PARD3B: variants seen among roughly 807,000 people sequenced by gnomAD.
The protein encoded by PARD3B is partitioning defective 3 homolog B.
A neutral mutation model predicts 130.2 loss-of-function variants in PARD3B; 103 were observed. That is an observed-to-expected ratio of 0.79 (90% confidence interval 0.67 to 0.93). PARD3B has a LOEUF of 0.93. Ranked by LOEUF, PARD3B falls within the 40% of genes least tolerant of loss-of-function variation. PARD3B has a pLI of 0.00. For synonymous variants in PARD3B, 583 were observed against 553.2 expected, an observed-to-expected ratio of 1.05 and a Z score of -0.76; for missense variants, 1,609 against 1,499.2, an observed-to-expected ratio of 1.07 and a Z score of -1.21.
intron 3 of PARD3B, among the ~76,000 whole-genome samples, chr2:205,032,422 A>G (rs1311993738): frequency 2.0e-5 from 3 of 152,162 alleles, no homozygotes; most frequent in African/African-American, 4.8e-5. Context: ...TACCGGATGC[A>G]TAATGTAAAA....
chr2:204,706,254 C>A (rs2038147237), intron 2 of PARD3B, among the ~76,000 whole-genome samples: 1 of 151,788 alleles, frequency 6.6e-6, no homozygotes, highest in Admixed American at 6.6e-5. Flanking sequence ...GTAGTCCCAG[C>A]CACTCGGGAG....
At chr2:205,408,406 A>T (rs1017984128) in intron 19 of PARD3B, among the ~76,000 whole-genome samples, 10 of 152,118 alleles carry the variant, frequency 6.6e-5, no homozygotes, top group Non-Finnish European at 1.2e-4. Flanking sequence ...GAGGATTTTT[A>T]TGTTACTGGA....
chr2:204,902,466 G>A (rs990983683), intron 2 of PARD3B, among the ~76,000 whole-genome samples: 1 of 151,960 alleles, frequency 6.6e-6, no homozygotes, highest in Non-Finnish European at 1.5e-5. Flanking sequence ...TCAGGAGATC[G>A]AGACCATCCT....
chr2:204,803,899 A>G (rs533203117), intron 2 of PARD3B, among the ~76,000 whole-genome samples: 2 of 152,168 alleles, frequency 1.3e-5, no homozygotes, highest in Non-Finnish European at 2.9e-5. Context: ...CTCTGCAATC[A>G]AAAGACAGAT....
chr2:205,396,212 T>C (rs575855473), intron 18 of PARD3B, among the ~76,000 whole-genome samples: 17 of 152,200 alleles, frequency 1.1e-4, no homozygotes, highest in Non-Finnish European at 2.1e-4. Flanking sequence ...GGCAGTCACT[T>C]CCCTGTTATT....
At chr2:205,344,316 G>A (rs2043666823) in intron 18 of PARD3B, among the ~76,000 whole-genome samples, 3 of 151,664 alleles carry the variant, frequency 2.0e-5, no homozygotes, top group African/African-American at 7.3e-5. Context: ...AGTGGATGAG[G>A]CACACAGACA....
intron 22 of PARD3B, among the ~76,000 whole-genome samples, chr2:205,556,047 T>C (rs1383414415): frequency 1.3e-5 from 2 of 152,164 alleles, no homozygotes; most frequent in Non-Finnish European, 2.9e-5. Flanking sequence ...GAGATTTTGC[T>C]GTCCACTTAA....
intron 15 of PARD3B, among the ~76,000 whole-genome samples, chr2:205,220,525 G>A (rs1013504373): frequency 1.3e-4 from 20 of 152,102 alleles, no homozygotes; most frequent in Admixed American, 7.9e-4. Context: ...TATGTATTGA[G>A]TGCCTACTAC....
intron 1 of PARD3B, among the ~76,000 whole-genome samples, chr2:204,596,940 A>C (rs78565687): frequency 7.3e-4 from 108 of 148,480 alleles, no homozygotes; most frequent in African/African-American, 2.4e-3. Flanking sequence ...CTCTCTCTCT[A>C]TCTGTCTCTC....
At chr2:205,551,303 G>T (rs2052635427) in intron 21 of PARD3B, among the ~76,000 whole-genome samples, 1 of 150,798 alleles carries the variant, frequency 6.6e-6, no homozygotes, top group Non-Finnish European at 1.5e-5. Context: ...GCAAACCTTA[G>T]GTAGGAATGG....
intron 1 of PARD3B, among the ~76,000 whole-genome samples, chr2:204,634,805 T>A (rs749965936): frequency 2.0e-5 from 3 of 152,190 alleles, no homozygotes; most frequent in Non-Finnish European, 2.9e-5. Flanking sequence ...CCATAGATGA[T>A]CATCGCTTAG....
chr2:205,157,687 T>A (rs1363522399), intron 10 of PARD3B, among the ~76,000 whole-genome samples: 1 of 152,300 alleles, frequency 6.6e-6, no homozygotes, highest in East Asian at 1.9e-4. Flanking sequence ...GATGGGAGTC[T>A]CTAGATATAA....
At chr2:205,516,794 A>ATACTC (rs58125541) in intron 21 of PARD3B, among the ~76,000 whole-genome samples, 6,024 of 152,130 alleles carry the variant, frequency 0.04, 200 homozygotes, top group South Asian at 0.13. Context: ...GGGACTTCCA[A>ATACTC]TACTCTGTTG....
chr2:204,779,293 A>T (rs1171307584), intron 2 of PARD3B, among the ~76,000 whole-genome samples: 3 of 152,082 alleles, frequency 2.0e-5, no homozygotes, highest in Non-Finnish European at 4.4e-5. Flanking sequence ...ATATTTTAAA[A>T]ATTGCCAAGT....
intron 16 of PARD3B, among the ~76,000 whole-genome samples, chr2:205,275,729 C>G (rs1031782829): frequency 6.8e-6 from 1 of 147,524 alleles, no homozygotes; most frequent in Non-Finnish European, 1.5e-5. Flanking sequence ...CCCAGCTACT[C>G]GGGAGGCTGA....
chr2:205,093,326 G>C (rs1449630838), intron 4 of PARD3B, among the ~76,000 whole-genome samples: 1 of 152,144 alleles, frequency 6.6e-6, no homozygotes, highest in Non-Finnish European at 1.5e-5. Context: ...GGGATACCAA[G>C]ATGGATGAGA....
rs554042708 is a variant in PARD3B, at chr2:205,188,208, AC to A, written c.2024+2346del. ...CAGTGTTTAAGCAGTTTCTTGGAAA[AC>A]GGAAGAAAGCTCTCTAGACAGAGAA... On this transcript the variant is annotated intron_variant, in intron 14 of 22. Transcript: ENST00000406610. Among the ~76,000 whole-genome samples the A allele has an allele frequency of 2.2e-4, 34 of 152,296 alleles. 1 individual carries two copies. Among genetic ancestry groups the A allele is most frequent in the Middle Eastern group, 6.8e-3 (2 of 294 alleles).
intron 2 of PARD3B, among the ~76,000 whole-genome samples, chr2:204,732,818 G>C (rs1378633098): frequency 6.6e-6 from 1 of 152,128 alleles, no homozygotes; most frequent in Non-Finnish European, 1.5e-5. Flanking sequence ...TTCATTGTGA[G>C]GGTAGAATTT....
intron 2 of PARD3B, among the ~76,000 whole-genome samples, chr2:204,870,056 C>CT (rs1232939059): frequency 1.3e-5 from 2 of 152,136 alleles, no homozygotes; most frequent in East Asian, 3.9e-4. Flanking sequence ...CCAGACCTGC[C>CT]TATGCATACT....
Sources: gnomAD v4.1 joint callset for allele counts (sites outside exome capture counted in the v4.1 genomes callset) on GRCh38, gnomAD v4.1.1 for gene constraint, MANE v1.5 for transcripts, NCBI Gene and HGNC (gene_info 2026-07-23, HGNC 2026-07-21) for gene names.